ATP11C: variants seen among roughly 807,000 people sequenced by gnomAD.
The protein encoded by ATP11C is phospholipid-transporting ATPase IG.
In ATP11C, 36 loss-of-function variants were observed where a neutral mutation model predicts 97.4. That is an observed-to-expected ratio of 0.37 (90% CI 0.28 to 0.49). The LOEUF (loss-of-function observed/expected upper bound fraction) is 0.49. Ranked by LOEUF, ATP11C falls within the 20% of genes least tolerant of loss-of-function variation. The pLI is 0.98. For missense variants in ATP11C, 730 were observed against 824.6 expected, an observed-to-expected ratio of 0.89 and a Z score of 1.40; for synonymous variants, 275 against 290.9, an observed-to-expected ratio of 0.95 and a Z score of 0.56.
intron 20 of ATP11C, among the ~76,000 whole-genome samples, chrX:139,767,131 C>T (rs1336354054): frequency 9.0e-6 from 1 of 111,430 alleles, no homozygotes; most frequent in Non-Finnish European, 1.9e-5. Context: ...TGCCCTTCAT[C>T]CTAAGGGACT....
intron 1 of ATP11C, among the ~76,000 whole-genome samples, chrX:139,857,199 A>G (rs763681394): frequency 1.8e-5 from 2 of 111,737 alleles, no homozygotes; most frequent in Non-Finnish European, 3.8e-5. Context: ...AGCACTTACT[A>G]AAACCTCCCT....
rs1287330273 is a variant in ATP11C, at chrX:139,727,756, TTA to T, written c.*1208_*1209del. 2 of 112,100 alleles carry T rather than the reference TTA, an allele frequency of 1.8e-5. No individual in the cohort carries two copies. Among genetic ancestry groups the T allele is most frequent in the Admixed American group, 9.5e-5 (1 of 10,529 alleles). The allele number at this position is 112,100 out of a possible 1,213,427, so 9.2% of individuals were successfully genotyped here. On this transcript the variant is annotated 3_prime_UTR_variant, in exon 30 of 30. Coordinates refer to ENST00000682941, the MANE Select transcript of ATP11C (RefSeq NM_001353812.2). ...AACATTGAATGAAGACATTTCACAT[TTA>T]TGTTTCAAGTGAACTAATTAGAAGG...
At chrX:139,731,824 T>A in intron 28 of ATP11C, 69 bp from the exon 29 acceptor site, 2 of 646,540 alleles carry the variant, frequency 3.1e-6, no homozygotes, top group Admixed American at 6.7e-5. Flanking sequence ...ATTATATATT[T>A]AAAAAAAGGT....
chrX:139,904,938 A>G (rs1400486610), intron 1 of ATP11C, among the ~76,000 whole-genome samples: 4 of 111,952 alleles, frequency 3.6e-5, no homozygotes, highest in Non-Finnish European at 7.5e-5. Flanking sequence ...GCTACTAGGG[A>G]TTCTTAGCTA....
chrX:139,735,451 G>A (rs767182866), intron 28 of ATP11C, among the ~76,000 whole-genome samples: 1 of 111,595 alleles, frequency 9.0e-6, no homozygotes, highest in Non-Finnish European at 1.9e-5. Context: ...CACATCGGGG[G>A]ATCTATCAGG....
rs541723781 is a variant in ATP11C at position 139,874,437 on chromosome X, T to C, written c.28-47614A>G. Among the ~76,000 whole-genome samples, 3 of 110,427 alleles carry C rather than the reference T, an allele frequency of 2.7e-5. No homozygotes were observed. In the South Asian group the frequency reaches 1.1e-3, roughly 42 times the overall value. ...ATAGGGACTGGAATATAAAAAGCACTCAATAAACGTTAGCTATTATTAGCA... is the reference window on the plus strand; with the variant it reads ...ATAGGGACTGGAATATAAAAAGCACCCAATAAACGTTAGCTATTATTAGCA... On this transcript the variant is annotated intron_variant, in intron 1 of 29. Transcript: ENST00000682941.
chrX:139,924,439 G>A (rs1281813755), intron 1 of ATP11C, among the ~76,000 whole-genome samples: 3 of 111,714 alleles, frequency 2.7e-5, no homozygotes, highest in Non-Finnish European at 5.6e-5. Flanking sequence ...AAAAATACCA[G>A]TGTTTCACAA....
intron 4 of ATP11C, among the ~76,000 whole-genome samples, chrX:139,816,269 A>T (rs908489207): frequency 8.9e-6 from 1 of 111,912 alleles, no homozygotes; most frequent in Non-Finnish European, 1.9e-5. Context: ...ACAAAACATG[A>T]TTAACATTGT....
At chrX:139,826,133 A>G (rs1015428195) in intron 2 of ATP11C, among the ~76,000 whole-genome samples, 16 of 111,677 alleles carry the variant, frequency 1.4e-4, no homozygotes, top group African/African-American at 4.2e-4. Flanking sequence ...AGAAAGATGC[A>G]GTCAAACGGT....
intron 4 of ATP11C, among the ~76,000 whole-genome samples, chrX:139,816,349 C>T (rs2083287500): frequency 9.0e-6 from 1 of 111,705 alleles, no homozygotes; most frequent in Non-Finnish European, 1.9e-5. Context: ...TACTAGCATA[C>T]AAAATGTTCA....
At chrX:139,732,721 T>G (rs1007787397) in intron 28 of ATP11C, among the ~76,000 whole-genome samples, 2 of 111,741 alleles carry the variant, frequency 1.8e-5, no homozygotes, top group Non-Finnish European at 3.8e-5. Flanking sequence ...GAGATAGGAA[T>G]AGTCTATTAT....
chrX:139,932,182 T>C lies in ATP11C; in HGVS notation c.-140A>G. 4.7e-6 allele frequency: 2 copies of C among 422,682 alleles called. No individual in the cohort carries two copies. Among genetic ancestry groups the C allele is most frequent in the Non-Finnish European group, 6.3e-6 (2 of 319,942 alleles). 34.8% of individuals were successfully genotyped at this position (422,682 alleles called of 1,213,427 possible). On this transcript the variant is annotated 5_prime_UTR_variant, in exon 1 of 30. Coordinates refer to ENST00000682941, the MANE Select transcript of ATP11C (RefSeq NM_001353812.2). Reference sequence around the variant, plus strand: ...GCGGCCGGGCCACCCGCTCGCCGCCTGCCCCCCTCGGCTCTCCGCGCTCCC... The same window carrying C: ...GCGGCCGGGCCACCCGCTCGCCGCCCGCCCCCCTCGGCTCTCCGCGCTCCC...
intron 1 of ATP11C, among the ~76,000 whole-genome samples, chrX:139,868,711 AG>A (rs2148009530): frequency 9.3e-6 from 1 of 107,140 alleles, no homozygotes; most frequent in East Asian, 2.9e-4. Flanking sequence ...TGGGTGACAG[AG>A]CCAGACTCCG....
rs373559172 is a variant in ATP11C at position 139,789,402 on chromosome X, A to G, written c.1293T>C (p.Tyr431=). Residue 431 remains tyrosine, a synonymous_variant, in exon 13 of 30, where the codon TAT becomes TAC. Coordinates refer to ENST00000682941, the MANE Select transcript of ATP11C (RefSeq NM_001353812.2). The part of the protein sequence containing the change: ...FIECCIDGHK[Y]KGVTQEVDGL... ...CATCAACCTCTTGAGTTACACCTTT[A>G]TATTTGTGGCCATCTATGCAGCATT... The G allele has an allele frequency of 2.5e-6, 3 of 1,206,727 alleles. No homozygotes were observed. The highest frequency in any genetic ancestry group is 3.0e-5 in the East Asian group (1 of 33,775).
intron 12 of ATP11C, among the ~76,000 whole-genome samples, chrX:139,789,998 C>T (rs989737136): frequency 1.8e-5 from 2 of 109,429 alleles, no homozygotes; most frequent in Non-Finnish European, 3.8e-5. Context: ...TCACTATACT[C>T]CAACCTGGGT....
intron 1 of ATP11C, among the ~76,000 whole-genome samples, chrX:139,835,235 T>A (rs1247325167): frequency 8.9e-6 from 1 of 111,904 alleles, no homozygotes; most frequent in African/African-American, 3.3e-5. Context: ...TGTTTTTGCT[T>A]CTAAAGCTTA....
rs55984113 is a variant in ATP11C, at chrX:139,769,281, C to CATATATATATATAT, written c.2217-861_2217-848dup. Among the ~76,000 whole-genome samples, 104 of 28,064 alleles carry CATATATATATATAT rather than the reference C, an allele frequency of 3.7e-3. 2 individuals carry two copies. The highest frequency in any genetic ancestry group is 4.7e-3 in the Admixed American group (6 of 1,290). The allele number at this position is 28,064 out of a possible 115,157, so 24.4% of individuals were successfully genotyped here. A position where few individuals can be genotyped will look rare whatever the true frequency, so the allele number is the denominator to read the frequency against. ...GACAAATGGCTTTGGGGCAAACATA[C>CATATATATATATAT]ATATATATATATATATATATATATA... On this transcript the variant is annotated intron_variant, in intron 19 of 29. Transcript: ENST00000682941.
At chrX:139,823,517 T>C (rs935267859) in intron 2 of ATP11C, among the ~76,000 whole-genome samples, 17 of 112,364 alleles carry the variant, frequency 1.5e-4, no homozygotes, top group African/African-American at 5.2e-4. Context: ...AGTTCTGTGT[T>C]ACCCAAGATT....
At position 139,750,026 on chromosome X, in the gene ATP11C, T is replaced by C. The variant is rs1180236840; in HGVS notation, c.2827A>G (p.Met943Val). 1 of 1,200,952 alleles carries C rather than the reference T, an allele frequency of 8.3e-7. No individual in the cohort carries two copies. Among genetic ancestry groups the C allele is most frequent in the South Asian group, 1.8e-5 (1 of 55,300 alleles). Residue 943 changes from methionine (M) to valine (V), a missense_variant and splice_region_variant, in exon 24 of 30, where the codon ATG (methionine) becomes GTG (valine). Transcript: ENST00000682941. ...DTLTSDPRLY[M>V]KISGNAMLQL... is the part of the protein sequence containing the mutation. Reference sequence around the variant, plus strand: ...GTTTTAACTATATATTTAACTTACATATACAATCGGGGATCTGAGGTCAGA... The same window carrying C: ...GTTTTAACTATATATTTAACTTACACATACAATCGGGGATCTGAGGTCAGA...
Sources: gnomAD v4.1 joint callset for allele counts (sites outside exome capture counted in the v4.1 genomes callset) on GRCh38, gnomAD v4.1.1 for gene constraint, MANE v1.5 for transcripts, NCBI Gene and HGNC (gene_info 2026-07-23, HGNC 2026-07-21) for gene names.